WNK3: variants seen among roughly 807,000 people sequenced by gnomAD.
WNK3 encodes the protein serine/threonine-protein kinase WNK3.
In WNK3, 18 loss-of-function variants were observed where a neutral mutation model predicts 116.7. That is an observed-to-expected ratio of 0.15 (90% CI 0.11 to 0.23). The LOEUF is 0.23. WNK3 is among the 10% of genes least tolerant of loss of function. WNK3 has a pLI of 1.00. For missense variants in WNK3, 993 were observed against 1,323.8 expected, an observed-to-expected ratio of 0.75 and a Z score of 3.88; for synonymous variants, 404 against 469.4, an observed-to-expected ratio of 0.86 and a Z score of 1.80.
At chrX:54,270,673 G>A (rs2068372682) in intron 10 of WNK3, among the ~76,000 whole-genome samples, 1 of 108,912 alleles carries the variant, frequency 9.2e-6, no homozygotes, top group Non-Finnish European at 1.9e-5. Context: ...CTATCAACCC[G>A]TCATCTAGGT....
intron 2 of WNK3, among the ~76,000 whole-genome samples, chrX:54,322,638 T>C (rs782725294): frequency 8.9e-6 from 1 of 112,169 alleles, no homozygotes; most frequent in East Asian, 2.8e-4. Flanking sequence ...TACATAGATA[T>C]AATTGATGGA....
intron 1 of WNK3, among the ~76,000 whole-genome samples, chrX:54,347,695 C>A (rs868976231): frequency 1.0e-5 from 1 of 96,062 alleles, no homozygotes; most frequent in Non-Finnish European, 2.0e-5. Context: ...TATATATATA[C>A]ACATATATAT....
At chrX:54,326,595 G>C (rs1214871566) in intron 2 of WNK3, among the ~76,000 whole-genome samples, 1 of 110,490 alleles carries the variant, frequency 9.1e-6, no homozygotes, top group African/African-American at 3.3e-5. Flanking sequence ...AACTTTGAGA[G>C]GCCAAGGCAG....
intron 2 of WNK3, among the ~76,000 whole-genome samples, chrX:54,330,279 A>G (rs781806214): frequency 9.0e-6 from 1 of 110,793 alleles, no homozygotes; most frequent in East Asian, 2.8e-4. Context: ...AGGCTGAGGC[A>G]GAATAATCAC....
chrX:54,308,555 A>C lies in WNK3; in HGVS notation c.932-476T>G, dbSNP rs1179325685. On this transcript the variant is annotated intron_variant, in intron 4 of 23. Transcript: ENST00000354646. ...TCTACATAAAGCACTGAAATAATTT[A>C]TTTAATTTTCCATACTGATAGAGTG... 2.7e-5 allele frequency among the ~76,000 whole-genome samples: 3 copies of C among 112,039 alleles called. No individual in the cohort carries two copies. The Admixed American group carries it at 2.9e-4, about 11-fold the overall frequency.
intron 10 of WNK3, among the ~76,000 whole-genome samples, chrX:54,280,235 T>C (rs2068499863): frequency 9.1e-6 from 1 of 109,341 alleles, no homozygotes; most frequent in Non-Finnish European, 1.9e-5. Flanking sequence ...GAGCGGAGAT[T>C]GCAGAGAGCC....
chrX:54,337,557 CAAAT>C (rs56172743), intron 1 of WNK3, among the ~76,000 whole-genome samples: 133 of 73,871 alleles, frequency 1.8e-3, no homozygotes, highest in African/African-American at 5.5e-3. Context: ...AGACTAGTCT[CAAAT>C]AAATAAATAA....
At chrX:54,341,015 G>A (rs2069314854) in intron 1 of WNK3, among the ~76,000 whole-genome samples, 1 of 112,047 alleles carries the variant, frequency 8.9e-6, no homozygotes, top group Admixed American at 9.6e-5. Flanking sequence ...GTTCATAGCA[G>A]CACTATTCAC....
intron 2 of WNK3, among the ~76,000 whole-genome samples, chrX:54,323,726 C>T (rs975745945): frequency 3.6e-5 from 4 of 111,409 alleles, no homozygotes; most frequent in African/African-American, 1.3e-4. Flanking sequence ...CATCATTTCA[C>T]GAACTCCAAT....
intron 1 of WNK3, among the ~76,000 whole-genome samples, chrX:54,353,857 G>A: frequency 9.1e-6 from 1 of 110,378 alleles, no homozygotes; most frequent in Non-Finnish European, 1.9e-5. Context: ...GCCGAGGAAG[G>A]TGGATCACAA....
At chrX:54,234,432 A>G (rs1171013673) in intron 20 of WNK3, among the ~76,000 whole-genome samples, 1 of 111,771 alleles carries the variant, frequency 8.9e-6, no homozygotes, top group Non-Finnish European at 1.9e-5. Context: ...CATGTCTCAC[A>G]TTCAAAATTA....
intron 15 of WNK3, among the ~76,000 whole-genome samples, chrX:54,251,032 T>C (rs1350183857): frequency 8.9e-6 from 1 of 111,980 alleles, no homozygotes; most frequent in Non-Finnish European, 1.9e-5. Context: ...TATTGAAATA[T>C]GAGGCAAACT....
chrX:54,318,157 G>A (rs934981234), intron 2 of WNK3, among the ~76,000 whole-genome samples: 1 of 108,430 alleles, frequency 9.2e-6, no homozygotes, highest in Non-Finnish European at 1.9e-5. Flanking sequence ...CCAGGAGTTC[G>A]AGACCAGCCC....
intron 12 of WNK3, among the ~76,000 whole-genome samples, chrX:54,255,469 T>G (rs1394133928): frequency 8.9e-6 from 1 of 111,992 alleles, no homozygotes; most frequent in East Asian, 2.8e-4. Flanking sequence ...AAACACTACA[T>G]GTACATACAG....
In WNK3 at chrX:54,222,624, T is replaced by C. The variant is rs797038286; in HGVS notation, c.4870+6090A>G. 5.6e-5 allele frequency among the ~76,000 whole-genome samples: 6 copies of C among 107,151 alleles called. No individual in the cohort carries two copies. In the South Asian group the frequency reaches 2.5e-3, roughly 44 times the overall value. The allele number at this position is 107,151 out of a possible 115,157, so 93.0% of individuals were successfully genotyped here. ...GGGCATGGTGGCTCACGCCTGTAATTCCAGCACTCTGGGAGGCTGAGGTGG... is the reference window on the plus strand; with the variant it reads ...GGGCATGGTGGCTCACGCCTGTAATCCCAGCACTCTGGGAGGCTGAGGTGG... On this transcript the variant is annotated intron_variant, in intron 22 of 23. Transcript: ENST00000354646.
At chrX:54,316,134 G>A (rs782688349) in intron 2 of WNK3, among the ~76,000 whole-genome samples, 33 of 111,177 alleles carry the variant, frequency 3.0e-4, no homozygotes, top group African/African-American at 1.0e-3. Flanking sequence ...TCTCTCCTCC[G>A]CCAAAATTTG....
intron 10 of WNK3, 74 bp downstream of exon 10, chrX:54,292,814 C>G (rs1603391573): frequency 1.0e-6 from 1 of 1,004,043 alleles, no homozygotes; most frequent in East Asian, 3.5e-5. Flanking sequence ...TAAAAGAGAA[C>G]TTTTGCCTGT....
rs781889160 is a variant in WNK3, at chrX:54,298,409, A to G, written c.1179-15T>C. ...TGATAGACAACCTAATAAACAAAAC[A>G]TATATCTCATTATCAGTTCTTCCAA... On this transcript the variant is annotated splice_polypyrimidine_tract_variant and intron_variant, in intron 6 of 23. Transcript: ENST00000354646. The G allele has an allele frequency of 1.7e-5, 19 of 1,114,474 alleles. 1 individual carries two copies. The Admixed American group carries it at 4.2e-4, about 25-fold the overall frequency. The allele number at this position is 1,114,474 out of a possible 1,213,427, so 91.8% of individuals were successfully genotyped here.
At chrX:54,337,781 C>A (rs1349563020) in intron 1 of WNK3, among the ~76,000 whole-genome samples, 1 of 109,381 alleles carries the variant, frequency 9.1e-6, no homozygotes, top group Non-Finnish European at 1.9e-5. Context: ...AAAATAAAAT[C>A]TTTGGCCAGA....
Sources: allele counts gnomAD v4.1 joint callset (sites outside exome capture counted in the v4.1 genomes callset), GRCh38; gene constraint gnomAD v4.1.1; transcripts MANE v1.5; gene names NCBI Gene and HGNC (gene_info 2026-07-23, HGNC 2026-07-21).